THEMIS: variants seen among roughly 807,000 people sequenced by gnomAD.
THEMIS encodes thymocyte selection associated.
THEMIS carries 37 observed loss-of-function variants against 52.6 expected under a neutral mutation model. The ratio of observed to expected loss-of-function variants is 0.70; its 90% CI spans 0.54 to 0.93. The LOEUF (loss-of-function observed/expected upper bound fraction) is 0.93. Among genes scored for constraint, THEMIS ranks in the 40% least tolerant of loss-of-function variants. The pLI is 0.00. For missense variants in THEMIS, 808 were observed against 763.1 expected (o/e 1.06, Z -0.69); for synonymous variants, 292 against 272.7 (o/e 1.07, Z -0.70).
chr6:127,807,943 C>A (rs1471755177), intron 4 of THEMIS, among the ~76,000 whole-genome samples: 1 of 152,152 alleles, frequency 6.6e-6, no homozygotes, highest in South Asian at 2.1e-4. Flanking sequence ...CCCCAGGAAC[C>A]ATTGCTTTCC....
At chr6:127,776,465 A>G (rs1176275535) in intron 4 of THEMIS, among the ~76,000 whole-genome samples, 1 of 152,242 alleles carries the variant, frequency 6.6e-6, no homozygotes, top group Non-Finnish European at 1.5e-5. Context: ...GCAGAGGCTC[A>G]TGTGACTGAC....
At chr6:127,823,865 T>C (rs1272242322) in intron 3 of THEMIS, among the ~76,000 whole-genome samples, 1 of 152,090 alleles carries the variant, frequency 6.6e-6, no homozygotes, top group Admixed American at 6.5e-5. Flanking sequence ...AAAGGTTCAA[T>C]GAATCTAAAA....
chr6:127,903,756 C>T (rs2114513128), upstream of THEMIS, among the ~76,000 whole-genome samples: 1 of 151,200 alleles, frequency 6.6e-6, no homozygotes. Context: ...AAAAGCACAT[C>T]CTTCAAATAA....
intron 1 of THEMIS, among the ~76,000 whole-genome samples, chr6:127,889,531 G>A (rs567708133): frequency 6.6e-6 from 1 of 152,206 alleles, no homozygotes; most frequent in Non-Finnish European, 1.5e-5. Flanking sequence ...ATATTCCAAA[G>A]AGTATTACAA....
At chr6:127,915,228 A>T (rs1362826911) in intron 1 of THEMIS, among the ~76,000 whole-genome samples, 6 of 134,236 alleles carry the variant, frequency 4.5e-5, no homozygotes, top group African/African-American at 1.6e-4. Context: ...AAGCAAAATG[A>T]TGACAGTATA....
In THEMIS at chr6:127,879,472, T is replaced by C. The variant is rs186383259; in HGVS notation, c.91+21370A>G. Among the ~76,000 whole-genome samples the C allele has an allele frequency of 1.4e-4, 21 of 152,194 alleles. 1 individual carries two copies. The East Asian group carries it at 3.7e-3, about 27-fold the overall frequency. On this transcript the variant is annotated intron_variant, in intron 1 of 5. Transcript: ENST00000368248. The stretch of plus-strand genomic sequence containing the variant: ...TCTGTTTCCTTATATTTAAGTATCA[T>C]GAAGAAAGATAATTGTTGCTCCTGT...
intron 1 of THEMIS, among the ~76,000 whole-genome samples, chr6:127,889,783 AATTC>A (rs951174443): frequency 6.6e-6 from 1 of 152,138 alleles, no homozygotes; most frequent in Non-Finnish European, 1.5e-5. Context: ...GAATTGTTTT[AATTC>A]ATTCATTTAC....
At chr6:127,789,304 A>T (rs182827455) in intron 4 of THEMIS, among the ~76,000 whole-genome samples, 2 of 152,148 alleles carry the variant, frequency 1.3e-5, no homozygotes, top group African/African-American at 4.8e-5. Context: ...GGACACATAC[A>T]CCCTCCCAAG....
At chr6:127,742,333 C>A (rs1269392625) in intron 4 of THEMIS, among the ~76,000 whole-genome samples, 70 of 134,904 alleles carry the variant, frequency 5.2e-4, no homozygotes, top group African/African-American at 1.1e-3. Flanking sequence ...AAAAAACAAA[C>A]AAAAAAACAA....
At chr6:127,809,376 T>C (rs1469200177) in intron 4 of THEMIS, among the ~76,000 whole-genome samples, 1 of 151,988 alleles carries the variant, frequency 6.6e-6, no homozygotes, top group Non-Finnish European at 1.5e-5. Flanking sequence ...ATTTTTGGAG[T>C]AGATTATGAA....
At chr6:127,781,420 A>G (rs146311260) in intron 4 of THEMIS, among the ~76,000 whole-genome samples, 297 of 151,906 alleles carry the variant, frequency 2.0e-3, no homozygotes, top group African/African-American at 6.8e-3. Flanking sequence ...TTCTCCATCC[A>G]GTTTTGTTCC....
chr6:127,785,025 C>CTAT, intron 4 of THEMIS, among the ~76,000 whole-genome samples: 1 of 150,102 alleles, frequency 6.7e-6, no homozygotes, highest in African/African-American at 2.5e-5. Context: ...TATCTATCTA[C>CTAT]CTATCAATAT....
chr6:127,763,953 C>A lies in THEMIS; in HGVS notation c.1759-44130G>T, dbSNP rs769598719. 1.6e-4 allele frequency among the ~76,000 whole-genome samples: 25 copies of A among 151,590 alleles called. 1 individual carries two copies. Among genetic ancestry groups the A allele is most frequent in the Non-Finnish European group, 2.9e-5 (2 of 67,798 alleles). On this transcript the variant is annotated intron_variant, in intron 4 of 5. Transcript: ENST00000368248. ...ATTGTGGCTCACATTATATTACTAT[C>A]GAAGAGATCATTCAGAGAGGGCATA... is the stretch of plus-strand genomic sequence containing the variant.
At chr6:127,877,831 C>A (rs1780360235) in intron 1 of THEMIS, among the ~76,000 whole-genome samples, 1 of 152,042 alleles carries the variant, frequency 6.6e-6, no homozygotes, top group African/African-American at 2.4e-5. Context: ...TACAGGTGTG[C>A]CACAATCCTT....
At chr6:127,817,185 A>G (rs1423305832) in intron 3 of THEMIS, among the ~76,000 whole-genome samples, 2 of 152,084 alleles carry the variant, frequency 1.3e-5, no homozygotes, top group Non-Finnish European at 2.9e-5. Context: ...TGTTTTCTTC[A>G]TCAATGTCTA....
At chr6:127,716,206 C>T (rs772975071) in intron 5 of THEMIS, among the ~76,000 whole-genome samples, 17 of 151,722 alleles carry the variant, frequency 1.1e-4, no homozygotes, top group Non-Finnish European at 2.2e-4. Flanking sequence ...AACAAATAAG[C>T]ATATTTAAAA....
At chr6:127,902,589 T>A (rs77156689), upstream of THEMIS, among the ~76,000 whole-genome samples, 4,944 of 152,160 alleles carry the variant, frequency 0.032, 303 homozygotes, top group African/African-American at 0.11. Context: ...CTCTTTGTAA[T>A]CCTATTTGAC....
At chr6:127,767,084 A>C (rs1776224185) in intron 4 of THEMIS, among the ~76,000 whole-genome samples, 1 of 151,028 alleles carries the variant, frequency 6.6e-6, no homozygotes, top group Non-Finnish European at 1.5e-5. Flanking sequence ...GTACAAAAAT[A>C]TTTTCTTTTT....
intron 1 of THEMIS, among the ~76,000 whole-genome samples, chr6:127,880,284 C>G (rs923517075): frequency 1.3e-5 from 2 of 152,088 alleles, no homozygotes; most frequent in African/African-American, 4.8e-5. Flanking sequence ...GGAGGGCAAG[C>G]CTGTATCTCA....
Sources: allele counts gnomAD v4.1 joint callset (sites outside exome capture counted in the v4.1 genomes callset), GRCh38; gene constraint gnomAD v4.1.1; transcripts MANE v1.5; gene names NCBI Gene and HGNC (gene_info 2026-07-23, HGNC 2026-07-21).